AGBL4: variants seen among roughly 807,000 people sequenced by gnomAD.
AGBL4 encodes AGBL carboxypeptidase 4, also known as cytosolic carboxypeptidase 6.
Under a neutral mutation model 66.4 loss-of-function variants are expected in AGBL4, and 58 were observed. The ratio of observed to expected loss-of-function variants is 0.87; its 90% CI spans 0.71 to 1.09. The LOEUF is 1.09. Ranked by LOEUF, AGBL4 falls within the 50% of genes least tolerant of loss-of-function variation. AGBL4 has a pLI of 0.00. For synonymous variants in AGBL4, 234 were observed against 222.9 expected (o/e 1.05, Z -0.44); for missense variants, 579 against 631.0 (o/e 0.92, Z 0.88).
intron 4 of AGBL4, among the ~76,000 whole-genome samples, chr1:49,073,935 CAGAGATGCCCAGCCCACGAGGTGGAATCT>C (rs1644660174): frequency 6.6e-6 from 1 of 152,158 alleles, no homozygotes; most frequent in Non-Finnish European, 1.5e-5. Context: ...GCTTTTTGTT[CAGAGATGCCCAGCCCACGAGGTGGAATCT>C]AGAGAGGCAC....
intron 11 of AGBL4, among the ~76,000 whole-genome samples, chr1:48,550,810 C>T (rs756627351): frequency 1.3e-5 from 2 of 152,200 alleles, no homozygotes; most frequent in Non-Finnish European, 2.9e-5. Context: ...ACACATGCAG[C>T]AAGTGGATTT....
At chr1:50,023,718 A>G (rs1242945526) in intron 1 of AGBL4, 45 bp downstream of exon 1, 3 of 1,537,498 alleles carry the variant, frequency 2.0e-6, no homozygotes, top group Non-Finnish European at 2.6e-6. Flanking sequence ...GACCCAGGAC[A>G]GCCTGGCCGC....
chr1:49,038,130 T>C (rs1664809540), intron 5 of AGBL4, among the ~76,000 whole-genome samples: 1 of 152,152 alleles, frequency 6.6e-6, no homozygotes, highest in African/African-American at 2.4e-5. Context: ...GTAAGTCTCA[T>C]GAAGACATGA....
chr1:48,547,090 G>C (rs1451518306), intron 11 of AGBL4, among the ~76,000 whole-genome samples: 1 of 152,074 alleles, frequency 6.6e-6, no homozygotes, highest in Non-Finnish European at 1.5e-5. Context: ...CTGGAAGAGG[G>C]CTGGCAGAGG....
At chr1:49,146,420 A>T (rs1646219274) in intron 4 of AGBL4, among the ~76,000 whole-genome samples, 1 of 152,134 alleles carries the variant, frequency 6.6e-6, no homozygotes, top group Non-Finnish European at 1.5e-5. Context: ...AAAAATTAAA[A>T]CCATAAAAAA....
At chr1:49,166,969 T>C (rs935267504) in intron 4 of AGBL4, among the ~76,000 whole-genome samples, 2 of 152,198 alleles carry the variant, frequency 1.3e-5, no homozygotes, top group East Asian at 1.9e-4. Flanking sequence ...CCTTTCAATA[T>C]AGCTTGGTGT....
intron 6 of AGBL4, among the ~76,000 whole-genome samples, chr1:48,673,999 A>AGTGTAT (rs1205041440): frequency 6.6e-6 from 1 of 152,118 alleles, no homozygotes; most frequent in African/African-American, 2.4e-5. Context: ...CCAGTCCTGC[A>AGTGTAT]GCGGCTTCCC....
At chr1:49,663,409 T>C (rs1054595690) in intron 3 of AGBL4, among the ~76,000 whole-genome samples, 1 of 152,152 alleles carries the variant, frequency 6.6e-6, no homozygotes, top group African/African-American at 2.4e-5. Context: ...ATTTTTCAAC[T>C]TTTTATTTAC....
intron 3 of AGBL4, among the ~76,000 whole-genome samples, chr1:49,287,783 A>G (rs1185060228): frequency 7.1e-6 from 1 of 140,416 alleles, no homozygotes. Flanking sequence ...AAACTAGTTC[A>G]ACCATTGTGG....
chr1:48,594,235 A>C (rs534432860), intron 9 of AGBL4, among the ~76,000 whole-genome samples: 37 of 152,292 alleles, frequency 2.4e-4, no homozygotes, highest in Non-Finnish European at 5.3e-4. Context: ...GAGGCAGGAG[A>C]ATTACTTGAA....
Position 48,596,371 on chromosome 1 carries a change from T to C in AGBL4, c.952-5386A>G, listed in dbSNP as rs114848979. Among the ~76,000 whole-genome samples, 562 of 152,220 alleles carry C rather than the reference T, an allele frequency of 3.7e-3. 8 individuals carry two copies. The highest frequency in any genetic ancestry group is 0.013 in the African/African-American group (539 of 41,532). ...CTCCCAGACACATTCCTCCTTCAGA[T>C]TTACCCCAGGAAGATGTTTTCCCCT... On this transcript the variant is annotated intron_variant, in intron 9 of 13. Transcript: ENST00000371839.
At chr1:49,301,915 A>T (rs1055733989) in intron 3 of AGBL4, among the ~76,000 whole-genome samples, 1 of 151,424 alleles carries the variant, frequency 6.6e-6, no homozygotes, top group African/African-American at 2.4e-5. Flanking sequence ...ACTGCTAAAA[A>T]CTCTAGCCTC....
intron 3 of AGBL4, among the ~76,000 whole-genome samples, chr1:49,252,096 A>G (rs1156632332): frequency 6.6e-6 from 1 of 152,160 alleles, no homozygotes; most frequent in Non-Finnish European, 1.5e-5. Context: ...GAATATGGAT[A>G]GGAATGAAGA....
At chr1:48,617,600 C>A (rs1483030917) in intron 9 of AGBL4, among the ~76,000 whole-genome samples, 1 of 152,202 alleles carries the variant, frequency 6.6e-6, no homozygotes, top group Non-Finnish European at 1.5e-5. Context: ...CATGTGATGG[C>A]TCTTGTTTTA....
intron 1 of AGBL4, among the ~76,000 whole-genome samples, chr1:49,909,063 G>A (rs1337689304): frequency 6.6e-6 from 1 of 152,048 alleles, no homozygotes; most frequent in Admixed American, 6.6e-5. Flanking sequence ...TCTCAGGTAT[G>A]CCACTACCAA....
At position 48,662,599 on chromosome 1, in the gene AGBL4, A is replaced by G. The variant is rs78207195; in HGVS notation, c.724+553T>C. On this transcript the variant is annotated intron_variant, in intron 7 of 13. Transcript: ENST00000371839. Reference sequence around the variant, plus strand: ...TGGGTGAAATATGTAATAATAAGTAAAAGTGCAATTATAAACAGAAACACT... The same window carrying G: ...TGGGTGAAATATGTAATAATAAGTAGAAGTGCAATTATAAACAGAAACACT... Among the ~76,000 whole-genome samples, 37 of 152,336 alleles carry G rather than the reference A, an allele frequency of 2.4e-4. No individual in the cohort carries two copies. The East Asian group carries it at 6.9e-3, about 29-fold the overall frequency.
intron 3 of AGBL4, among the ~76,000 whole-genome samples, chr1:49,276,119 T>C (rs1419059019): frequency 6.6e-6 from 1 of 151,402 alleles, no homozygotes; most frequent in Non-Finnish European, 1.5e-5. Flanking sequence ...TATACATATA[T>C]ATACACACAC....
chr1:49,124,561 G>A (rs1645727865), intron 4 of AGBL4, among the ~76,000 whole-genome samples: 2 of 152,166 alleles, frequency 1.3e-5, no homozygotes, highest in Admixed American at 1.3e-4. Flanking sequence ...GAGAGGAACA[G>A]GATCTGGATT....
At chr1:49,574,946 C>G (rs1332077613) in intron 3 of AGBL4, among the ~76,000 whole-genome samples, 1 of 152,056 alleles carries the variant, frequency 6.6e-6, no homozygotes, top group Non-Finnish European at 1.5e-5. Context: ...CATGGCCCCT[C>G]AATCAATTTC....
Sources: allele counts gnomAD v4.1 joint callset (sites outside exome capture counted in the v4.1 genomes callset), GRCh38; gene constraint gnomAD v4.1.1; transcripts MANE v1.5; gene names NCBI Gene and HGNC (gene_info 2026-07-23, HGNC 2026-07-21).